Variants in GALNT9 observed in about 807,000 individuals in gnomAD.
GALNT9 encodes the protein polypeptide N-acetylgalactosaminyltransferase 9, also known as GalNAc transferase 9.
A neutral mutation model predicts 63.1 loss-of-function variants in GALNT9; 47 were observed. That is an observed-to-expected ratio of 0.75 (90% CI 0.59 to 0.95). The LOEUF (loss-of-function observed/expected upper bound fraction) is 0.95, where lower values mean the gene tolerates loss of function less well. Among genes scored for constraint, GALNT9 ranks in the 40% least tolerant of loss-of-function variants. GALNT9 has a pLI of 0.00. For missense variants in GALNT9, 829 were observed against 874.8 expected, an observed-to-expected ratio of 0.95 and a Z score of 0.66; for synonymous variants, 396 against 365.7, an observed-to-expected ratio of 1.08 and a Z score of -0.94.
At chr12:132,328,118 T>C (rs1263973127) in intron 1 of GALNT9, among the ~76,000 whole-genome samples, 1 of 152,130 alleles carries the variant, frequency 6.6e-6, no homozygotes, top group Non-Finnish European at 1.5e-5. Flanking sequence ...CAGAGTGGCC[T>C]TGGGGGCGGC....
chr12:132,226,552 C>G (rs1877696406), intron 6 of GALNT9, among the ~76,000 whole-genome samples: 1 of 148,424 alleles, frequency 6.7e-6, no homozygotes. Context: ...AACCCACACC[C>G]CACTGTATAT....
intron 5 of GALNT9, among the ~76,000 whole-genome samples, chr12:132,256,622 G>A (rs1326271874): frequency 9.2e-6 from 1 of 109,236 alleles, no homozygotes; most frequent in South Asian, 3.9e-4. Flanking sequence ...AACACTGGAG[G>A]GGGAACACTG....
chr12:132,219,054 G>A (rs570706031), intron 6 of GALNT9, among the ~76,000 whole-genome samples: 2 of 152,208 alleles, frequency 1.3e-5, no homozygotes, highest in South Asian at 2.1e-4. Context: ...CGATGGAGCC[G>A]TTCGAGGAGA....
chr12:132,266,672 G>A (rs28596499), intron 2 of GALNT9, among the ~76,000 whole-genome samples: 4,134 of 152,322 alleles, frequency 0.027, 94 homozygotes, highest in South Asian at 0.097. Flanking sequence ...CCAGAACGGG[G>A]GACAGTGCAT....
At chr12:132,210,726 A>C (rs1876918717) in intron 6 of GALNT9, among the ~76,000 whole-genome samples, 1 of 151,978 alleles carries the variant, frequency 6.6e-6, no homozygotes, top group Non-Finnish European at 1.5e-5. Context: ...TGAATTGAGA[A>C]GAAGCTCCAA....
chr12:132,231,034 G>A (rs1400991277), intron 6 of GALNT9, among the ~76,000 whole-genome samples: 3 of 141,050 alleles, frequency 2.1e-5, no homozygotes, highest in African/African-American at 8.1e-5. Flanking sequence ...ACACTCGATG[G>A]GGCGACAGAG....
At position 132,267,928 on chromosome 12, in the gene GALNT9, T is replaced by TGC. The variant is rs1491444052; in HGVS notation, c.420-5305_420-5304dup. Reference sequence around the variant, plus strand: ...ACAAATCCACATGCACTCACACACATGCACACACACACGCACTCACATACA... The same window carrying TGC: ...ACAAATCCACATGCACTCACACACATGCGCACACACACACGCACTCACATACA... On this transcript the variant is annotated intron_variant, in intron 2 of 10. Transcript: ENST00000328957. Among the ~76,000 whole-genome samples the TGC allele has an allele frequency of 4.1e-5, 5 of 123,014 alleles. No homozygotes were observed. The East Asian group carries it at 1.3e-3, about 31-fold the overall frequency. The allele number at this position is 123,014 out of a possible 152,430, so 80.7% of individuals were successfully genotyped here. A position where few individuals can be genotyped will look rare whatever the true frequency, so the allele number is the denominator to read the frequency against.
In GALNT9 at chr12:132,245,037, G is replaced by A. The variant is rs1042477442; in HGVS notation, c.1077+2873C>T. Among the ~76,000 whole-genome samples, 1 of 151,940 alleles carries A rather than the reference G, an allele frequency of 6.6e-6. No homozygotes were observed. Among genetic ancestry groups the A allele is most frequent in the Non-Finnish European group, 1.5e-5 (1 of 67,950 alleles). On this transcript the variant is annotated intron_variant, in intron 6 of 10. Transcript: ENST00000328957. This position sits in a 1 kb window ranked among gnomAD's most constrained non-coding sequence, Gnocchi z 6.3. ...GAGGGCAGGGAGGTCAGGGAGTGGA[G>A]TAAACGCTGGGCGCGGCCACAGCTG...
At chr12:132,303,372 C>A (rs938599167) in intron 1 of GALNT9, among the ~76,000 whole-genome samples, 2 of 151,812 alleles carry the variant, frequency 1.3e-5, no homozygotes, top group Non-Finnish European at 2.9e-5. Flanking sequence ...TGAGAAGCAG[C>A]ACCCTCTCCG....
chr12:132,326,168 A>G (rs782075344), intron 1 of GALNT9, among the ~76,000 whole-genome samples: 2 of 150,684 alleles, frequency 1.3e-5, no homozygotes, highest in Non-Finnish European at 3.0e-5. Flanking sequence ...AGACAACTGA[A>G]TGGAGACAGT....
At chr12:132,223,003 CCA>C (rs1479587630) in intron 6 of GALNT9, among the ~76,000 whole-genome samples, 2 of 110,040 alleles carry the variant, frequency 1.8e-5, no homozygotes, top group Non-Finnish European at 4.0e-5. Flanking sequence ...CACATACACC[CCA>C]CACAACCCAC....
At chr12:132,255,456 C>T (rs566496148) in intron 5 of GALNT9, among the ~76,000 whole-genome samples, 1 of 152,172 alleles carries the variant, frequency 6.6e-6, no homozygotes, top group African/African-American at 2.4e-5. Context: ...AGTCTGGCCC[C>T]TTTTTAAGTC....
At chr12:132,226,001 A>G (rs1877664215) in intron 6 of GALNT9, among the ~76,000 whole-genome samples, 1 of 141,680 alleles carries the variant, frequency 7.1e-6, no homozygotes, top group Non-Finnish European at 1.5e-5. Flanking sequence ...TACACCCCAC[A>G]CACCCCACAT....
At chr12:132,292,336 C>T (rs1294509959) in intron 1 of GALNT9, among the ~76,000 whole-genome samples, 1 of 152,210 alleles carries the variant, frequency 6.6e-6, no homozygotes, top group Non-Finnish European at 1.5e-5. Flanking sequence ...CAAGCGGGTG[C>T]CAGGGCACTG....
chr12:132,204,502 C>G (rs1004106371), intron 6 of GALNT9, among the ~76,000 whole-genome samples: 1 of 152,176 alleles, frequency 6.6e-6, no homozygotes, highest in African/African-American at 2.4e-5. Context: ...GGAGTGTTCA[C>G]ACACTCTGCT....
chr12:132,302,388 G>A (rs553991838), intron 1 of GALNT9, among the ~76,000 whole-genome samples: 26 of 152,182 alleles, frequency 1.7e-4, no homozygotes, highest in Non-Finnish European at 2.9e-4. Flanking sequence ...GGTGTCTGCC[G>A]CCTGCATTCT....
intron 1 of GALNT9, among the ~76,000 whole-genome samples, chr12:132,291,219 A>G (rs868926176): frequency 3.0e-5 from 1 of 33,398 alleles, no homozygotes; most frequent in Non-Finnish European, 4.9e-5. Context: ...CACCACCCAC[A>G]TCCACAGCGC....
chr12:132,290,110 C>T (rs1330006643), intron 1 of GALNT9, among the ~76,000 whole-genome samples: 2 of 152,120 alleles, frequency 1.3e-5, no homozygotes, highest in Non-Finnish European at 2.9e-5. Flanking sequence ...TCTGCAGTGG[C>T]TTCATCAGGG....
rs782080360 is a variant in GALNT9 at position 132,296,815 on chromosome 12, C to T, written c.239-10385G>A. Among the ~76,000 whole-genome samples, 30 of 150,018 alleles carry T rather than the reference C, an allele frequency of 2.0e-4. No individual in the cohort carries two copies. Among genetic ancestry groups the T allele is most frequent in the South Asian group, 4.3e-4 (2 of 4,704 alleles). On this transcript the variant is annotated intron_variant, in intron 1 of 10. Coordinates refer to ENST00000328957, the MANE Select transcript of GALNT9 (RefSeq NM_001122636.2). The surrounding 1 kb of genome is among the most constrained non-coding windows in gnomAD (Gnocchi z 4.2). ...GTGCTGTGTCATCCCATGTGGACGGCGAGAGCACACACGCATTGGGGGCTG... is the reference window on the plus strand; with the variant it reads ...GTGCTGTGTCATCCCATGTGGACGGTGAGAGCACACACGCATTGGGGGCTG...
Sources: allele counts gnomAD v4.1 joint callset (sites outside exome capture counted in the v4.1 genomes callset), GRCh38; gene constraint gnomAD v4.1.1; non-coding constraint Gnocchi (gnomAD v3.1); transcripts MANE v1.5; gene names NCBI Gene and HGNC (gene_info 2026-07-23, HGNC 2026-07-21).